Variants in GIMD1 observed in about 807,000 individuals in gnomAD.
GIMD1 encodes the protein GTPase IMAP family member GIMD1.
Under a neutral mutation model 14.9 loss-of-function variants are expected in GIMD1, and 14 were observed. The ratio of observed to expected loss-of-function variants is 0.94; its 90% CI spans 0.62 to 1.47. The LOEUF (loss-of-function observed/expected upper bound fraction) is 1.47, where lower values mean the gene tolerates loss of function less well. GIMD1 is among the 40% of genes most tolerant of loss of function. The probability of loss-of-function intolerance (pLI) is 0.00; values close to 1 mark genes in which losing one functional copy is unlikely to be tolerated. For synonymous variants in GIMD1, 91 were observed against 90.5 expected (o/e 1.01, Z -0.03); for missense variants, 272 against 255.3 (o/e 1.07, Z -0.44).
rs181577271 is a variant in GIMD1 at position 106,357,895 on chromosome 4, A to G, written c.*288T>C. ...TCTGTATGTTTAGCTTTTGAATAGTAGTTCCATGAACATTATTGTGCATAC... is the reference window on the plus strand; with the variant it reads ...TCTGTATGTTTAGCTTTTGAATAGTGGTTCCATGAACATTATTGTGCATAC... On this transcript the variant is annotated 3_prime_UTR_variant, in exon 3 of 3. Coordinates refer to ENST00000638719, the MANE Select transcript of GIMD1 (RefSeq NM_001195138.2). 141 of 215,108 alleles carry G rather than the reference A, an allele frequency of 6.6e-4. No individual in the cohort carries two copies. The highest frequency in any genetic ancestry group is 1.6e-3 in the Middle Eastern group (1 of 612). 13.3% of individuals were successfully genotyped at this position (215,108 alleles called of 1,614,324 possible).
intron 2 of GIMD1, among the ~76,000 whole-genome samples, chr4:106,360,763 G>A (rs3018058): frequency 0.33 from 49,445 of 151,864 alleles, 8,204 homozygotes; most frequent in Non-Finnish European, 0.34. Flanking sequence ...AGTGCCATGC[G>A]TACGTGAAGA....
At chr4:106,366,334 A>G (rs1424959625) in intron 2 of GIMD1, among the ~76,000 whole-genome samples, 1 of 152,112 alleles carries the variant, frequency 6.6e-6, no homozygotes, top group Non-Finnish European at 1.5e-5. Flanking sequence ...CACTTAATGC[A>G]TTGTCTTTTT....
At chr4:106,363,096 C>G (rs934546055) in intron 2 of GIMD1, among the ~76,000 whole-genome samples, 1 of 151,956 alleles carries the variant, frequency 6.6e-6, no homozygotes, top group Non-Finnish European at 1.5e-5. Context: ...ATCAGGGCCA[C>G]GTAAATTTGA....
At position 106,367,255 on chromosome 4, in the gene GIMD1, G is replaced by T; in HGVS notation, c.181C>A (p.Arg61=). 1 of 1,535,700 alleles carries T rather than the reference G, an allele frequency of 6.5e-7. No homozygotes were observed. Among genetic ancestry groups the T allele is most frequent in the Admixed American group, 2.0e-5 (1 of 50,974 alleles). The change falls in exon 2 of 3, where the codon CGA becomes AGA. Residue 61 remains arginine (R), a synonymous_variant. Coordinates refer to ENST00000638719, the MANE Select transcript of GIMD1 (RefSeq NM_001195138.2). ...TGCAGGGCTACCTCTAGCCCACCTC[G>T]ACGCATGAAGCTGTGGAGGTGACAA... ...RSCHLHSFMR[R]GGLEVALQVQ...
At position 106,357,695 on chromosome 4, in the gene GIMD1, A is replaced by T. The variant is rs966079759; in HGVS notation, c.*488T>A. On this transcript the variant is annotated 3_prime_UTR_variant, in exon 3 of 3. Transcript: ENST00000638719. The stretch of plus-strand genomic sequence containing the variant: ...TTTTGAACTTTCTGCACATGGAATC[A>T]TGGAGTATGTACTCTTTTATGTCTG... 3.9e-5 allele frequency: 6 copies of T among 152,632 alleles called. No homozygotes were observed. Among genetic ancestry groups the T allele is most frequent in the Non-Finnish European group, 7.3e-5 (5 of 68,388 alleles). The allele number at this position is 152,632 out of a possible 1,614,324, so 9.5% of individuals were successfully genotyped here. A position where few individuals can be genotyped will look rare whatever the true frequency, so the allele number is the denominator to read the frequency against.
intron 2 of GIMD1, among the ~76,000 whole-genome samples, chr4:106,365,884 T>G (rs999711559): frequency 6.8e-6 from 1 of 147,534 alleles, no homozygotes; most frequent in African/African-American, 2.4e-5. Flanking sequence ...CTGTGTGGAC[T>G]ATTGTTAGTA....
rs1770557695 is a variant in GIMD1 at position 106,358,032 on chromosome 4, ACTTCTAGTTTTC to A, written c.*139_*150del. ...TCTTGAATCATTGATGTTCTTTTTAACTTCTAGTTTTCCAAAGTGGTTATACCAATGTACACT... is the reference window on the plus strand; with the variant it reads ...TCTTGAATCATTGATGTTCTTTTTAACAAAGTGGTTATACCAATGTACACT... On this transcript the variant is annotated 3_prime_UTR_variant, in exon 3 of 3. Coordinates refer to ENST00000638719, the MANE Select transcript of GIMD1 (RefSeq NM_001195138.2). 2 of 546,770 alleles carry A rather than the reference ACTTCTAGTTTTC, an allele frequency of 3.7e-6. No individual in the cohort carries two copies. The highest frequency in any genetic ancestry group is 6.3e-6 in the Non-Finnish European group (2 of 316,558). The allele number at this position is 546,770 out of a possible 1,614,324, so 33.9% of individuals were successfully genotyped here.
At chr4:106,362,783 T>C (rs924319972) in intron 2 of GIMD1, among the ~76,000 whole-genome samples, 2 of 152,108 alleles carry the variant, frequency 1.3e-5, no homozygotes, top group Non-Finnish European at 2.9e-5. Flanking sequence ...AAACATTACA[T>C]TTTCCTTTTC....
intron 2 of GIMD1, among the ~76,000 whole-genome samples, chr4:106,363,884 G>A (rs780066233): frequency 2.0e-4 from 7 of 34,166 alleles, no homozygotes; most frequent in Middle Eastern, 0.033. Flanking sequence ...ATACCATAAT[G>A]GGGGGGGGGG....
chr4:106,366,399 G>T (rs1456396728), intron 2 of GIMD1, among the ~76,000 whole-genome samples: 2 of 151,988 alleles, frequency 1.3e-5, no homozygotes, highest in Non-Finnish European at 2.9e-5. Flanking sequence ...TGAAGGAAGG[G>T]CTCATGTCTC....
chr4:106,359,851 TA>T (rs1770589434), intron 2 of GIMD1, among the ~76,000 whole-genome samples: 1 of 151,828 alleles, frequency 6.6e-6, no homozygotes, highest in Non-Finnish European at 1.5e-5. Flanking sequence ...ACAAAACATT[TA>T]AAATTAGAAA....
intron 2 of GIMD1, among the ~76,000 whole-genome samples, chr4:106,359,156 G>T (rs1021998569): frequency 6.6e-6 from 1 of 151,884 alleles, no homozygotes; most frequent in Non-Finnish European, 1.5e-5. Context: ...GTGAATATAA[G>T]CTGATATAAA....
chr4:106,364,593 C>G (rs1770667170), intron 2 of GIMD1, among the ~76,000 whole-genome samples: 1 of 152,138 alleles, frequency 6.6e-6, no homozygotes, highest in African/African-American at 2.4e-5. Context: ...AACCAAAGAC[C>G]GTAGCAGAAC....
intron 2 of GIMD1, among the ~76,000 whole-genome samples, chr4:106,361,170 C>T (rs1343872713): frequency 6.6e-6 from 1 of 151,978 alleles, no homozygotes; most frequent in Admixed American, 6.6e-5. Flanking sequence ...CTACTTTGTT[C>T]TAGGCATGCT....
chr4:106,364,828 G>A (rs550176176), intron 2 of GIMD1, among the ~76,000 whole-genome samples: 1 of 152,202 alleles, frequency 6.6e-6, no homozygotes, highest in Admixed American at 6.6e-5. Context: ...TGTTTTAAAC[G>A]ACCAAAGACA....
At chr4:106,363,200 A>G (rs944651194) in intron 2 of GIMD1, among the ~76,000 whole-genome samples, 1 of 152,196 alleles carries the variant, frequency 6.6e-6, no homozygotes, top group Non-Finnish European at 1.5e-5. Context: ...CAATGAAATA[A>G]TAATGGCCAG....
chr4:106,360,087 G>T (rs1227269655), intron 2 of GIMD1, among the ~76,000 whole-genome samples: 1 of 151,838 alleles, frequency 6.6e-6, no homozygotes, highest in Non-Finnish European at 1.5e-5. Context: ...AAGTCTTAGG[G>T]TTCTATTTAT....
At chr4:106,366,552 G>A (rs993974838) in intron 2 of GIMD1, among the ~76,000 whole-genome samples, 6 of 152,078 alleles carry the variant, frequency 3.9e-5, no homozygotes, top group East Asian at 3.9e-4. Flanking sequence ...TAAGTTCAAC[G>A]GTTCTACGAC....
At chr4:106,358,497 G>T in intron 2 of GIMD1, 54 bp from the exon 3 acceptor site, 1 of 1,355,528 alleles carries the variant, frequency 7.4e-7, no homozygotes, top group Admixed American at 2.8e-5. Context: ...CCTCAAAAAT[G>T]AGCAAAGGAT....
Sources: gnomAD v4.1 joint callset for allele counts (sites outside exome capture counted in the v4.1 genomes callset) on GRCh38, gnomAD v4.1.1 for gene constraint, MANE v1.5 for transcripts, NCBI Gene and HGNC (gene_info 2026-07-23, HGNC 2026-07-21) for gene names.